The following TULP4 variants were observed in gnomAD, a reference collection of about 807,000 sequenced individuals.
TULP4 encodes tubby-related protein 4.
TULP4 carries 16 observed loss-of-function variants against 129.0 expected under a neutral mutation model. The ratio of observed to expected loss-of-function variants is 0.12; its 90% confidence interval spans 0.08 to 0.19. The LOEUF is 0.19. Among genes scored for constraint, TULP4 ranks in the 10% least tolerant of loss-of-function variants. TULP4 has a pLI of 1.00. For missense variants in TULP4, 1,842 were observed against 2,059.1 expected, an observed-to-expected ratio of 0.89 and a Z score of 2.04; for synonymous variants, 998 against 854.0, an observed-to-expected ratio of 1.17 and a Z score of -2.94.
chr6:158,298,264 A>G (rs10080516), intron 1 of TULP4, among the ~76,000 whole-genome samples: 128,986 of 149,666 alleles, frequency 0.86, 55,870 homozygotes, highest in Admixed American at 0.92. Context: ...AGTTAACACA[A>G]TTATCACAGT....
At chr6:158,303,518 C>G (rs1167279990) in intron 1 of TULP4, among the ~76,000 whole-genome samples, 2 of 152,070 alleles carry the variant, frequency 1.3e-5, no homozygotes, top group Admixed American at 6.6e-5. Flanking sequence ...ACATGCTTCT[C>G]AGGGAACACG....
intron 3 of TULP4, among the ~76,000 whole-genome samples, chr6:158,433,922 A>G (rs1187349444): frequency 6.7e-6 from 1 of 149,732 alleles, no homozygotes; most frequent in Non-Finnish European, 1.5e-5. Flanking sequence ...GGCGGTTTCA[A>G]CAACAGAAGT....
intron 1 of TULP4, among the ~76,000 whole-genome samples, chr6:158,385,923 C>T (rs1227926311): frequency 2.1e-5 from 3 of 140,202 alleles, no homozygotes; most frequent in South Asian, 2.3e-4. Flanking sequence ...TAGTGCACTG[C>T]GGCCTTGAAC....
intron 3 of TULP4, among the ~76,000 whole-genome samples, chr6:158,433,831 T>C (rs1010843544): frequency 6.6e-6 from 1 of 152,266 alleles, no homozygotes; most frequent in African/African-American, 2.4e-5. Flanking sequence ...GAAGGGAATG[T>C]AATCCTACCT....
intron 1 of TULP4, among the ~76,000 whole-genome samples, chr6:158,331,119 G>A (rs1022629235): frequency 1.3e-5 from 2 of 152,036 alleles, no homozygotes; most frequent in African/African-American, 2.4e-5. Context: ...TTGATAATCT[G>A]TTGAGAGATC....
At chr6:158,294,381 A>T (rs1200291071) in intron 1 of TULP4, among the ~76,000 whole-genome samples, 3 of 152,138 alleles carry the variant, frequency 2.0e-5, no homozygotes, top group Admixed American at 6.5e-5. Context: ...AAATAAAAAA[A>T]AAAATAAATA....
At chr6:158,237,885 T>C in intron 1 of TULP4, 1 of 741,684 alleles carries the variant, frequency 1.3e-6, no homozygotes, top group Non-Finnish European at 2.5e-6. Context: ...AAATAAACTG[T>C]GCCAGGGTAT....
intron 1 of TULP4, among the ~76,000 whole-genome samples, chr6:158,241,615 G>A (rs951952541): frequency 6.6e-6 from 1 of 151,434 alleles, no homozygotes; most frequent in African/African-American, 2.4e-5. Flanking sequence ...TTTTTTTTGA[G>A]ATGGTGTCTC....
chr6:158,446,440 T>G (rs1178980791), intron 3 of TULP4, among the ~76,000 whole-genome samples: 1 of 152,216 alleles, frequency 6.6e-6, no homozygotes, highest in Non-Finnish European at 1.5e-5. Context: ...CTCTGATAAC[T>G]TAATCAGTCC....
intron 1 of TULP4, among the ~76,000 whole-genome samples, chr6:158,376,785 C>T (rs1156746776): frequency 6.6e-6 from 1 of 152,174 alleles, no homozygotes; most frequent in African/African-American, 2.4e-5. Flanking sequence ...ATAACAGGAG[C>T]AGATGTGGCA....
chr6:158,239,157 G>A (rs1035947803), intron 1 of TULP4, among the ~76,000 whole-genome samples: 6 of 112,150 alleles, frequency 5.3e-5, no homozygotes, highest in Non-Finnish European at 1.0e-4. Context: ...CTCACCTCCC[G>A]GACGAGGCGG....
rs137932682 is a variant in TULP4 at position 158,444,878 on chromosome 6, C to G, written c.544-4118C>G. On this transcript the variant is annotated intron_variant, in intron 3 of 13. Coordinates refer to ENST00000367097, the MANE Select transcript of TULP4 (RefSeq NM_020245.5). ...CCAGGGTGGAGTGCATTGGAGCAAT[C>G]ATGGCTCACTGCAGCCTCCAACTCC... Among the ~76,000 whole-genome samples, 604 of 152,288 alleles carry G rather than the reference C, an allele frequency of 4.0e-3. 5 individuals carry two copies. Among genetic ancestry groups the G allele is most frequent in the African/African-American group, 0.014 (580 of 41,558 alleles).
Position 158,382,632 on chromosome 6 carries a change from T to G in TULP4, c.253-30433T>G, listed in dbSNP as rs78332067. Among the ~76,000 whole-genome samples, 407 of 152,312 alleles carry G rather than the reference T, an allele frequency of 2.7e-3. 1 individual carries two copies. Among genetic ancestry groups the G allele is most frequent in the African/African-American group, 9.4e-3 (391 of 41,556 alleles). On this transcript the variant is annotated intron_variant, in intron 1 of 13. Transcript: ENST00000367097. ...CAGGTTCTCACCTTTGAAAGGATGGTGATTAATAGATAAGGTTGACCTCAC... is the reference window on the plus strand; with the variant it reads ...CAGGTTCTCACCTTTGAAAGGATGGGGATTAATAGATAAGGTTGACCTCAC...
intron 3 of TULP4, 149 bp downstream of exon 3, chr6:158,430,046 A>G (rs996934702): frequency 2.7e-6 from 2 of 735,896 alleles, no homozygotes; most frequent in African/African-American, 3.6e-5. Context: ...AAAAATTAAA[A>G]TAAAAATTCT....
intron 1 of TULP4, among the ~76,000 whole-genome samples, chr6:158,299,347 T>A (rs954921248): frequency 5.3e-5 from 8 of 152,198 alleles, no homozygotes; most frequent in African/African-American, 1.4e-4. Context: ...TCATTTTTTT[T>A]AATACTACTG....
At chr6:158,299,738 G>A (rs540600769) in intron 1 of TULP4, among the ~76,000 whole-genome samples, 3 of 152,280 alleles carry the variant, frequency 2.0e-5, no homozygotes, top group African/African-American at 7.2e-5. Flanking sequence ...ATTTCCACAG[G>A]AGCATCCATC....
chr6:158,460,598 G>A (rs145533891), intron 5 of TULP4, among the ~76,000 whole-genome samples: 5 of 152,280 alleles, frequency 3.3e-5, no homozygotes, highest in Middle Eastern at 3.4e-3. Flanking sequence ...GGTGGGCATC[G>A]AATTTCCAAT....
chr6:158,429,762 T>C lies in TULP4; in HGVS notation c.408T>C (p.Asp136=), dbSNP rs368528500. The C allele has an allele frequency of 6.2e-7, 1 of 1,613,290 alleles. No individual in the cohort carries two copies. The highest frequency in any genetic ancestry group is 1.3e-5 in the African/African-American group (1 of 74,898). Residue 136 remains aspartate, a synonymous_variant, in exon 3 of 14, where the codon GAT becomes GAC. Transcript: ENST00000367097. ...TGAGTGATTTCACGTGGAGCCATGATGGAACTCAAGCACTTATTTCCTATC... is the reference window on the plus strand; with the variant it reads ...TGAGTGATTTCACGTGGAGCCATGACGGAACTCAAGCACTTATTTCCTATC... ...AQVSDFTWSH[D]GTQALISYRD...
intron 5 of TULP4, among the ~76,000 whole-genome samples, chr6:158,459,268 T>A (rs1482166240): frequency 6.6e-6 from 1 of 152,080 alleles, no homozygotes; most frequent in Non-Finnish European, 1.5e-5. Flanking sequence ...CCGTCTCTAC[T>A]GAAAATACAA....
Sources: gnomAD v4.1 joint callset for allele counts (sites outside exome capture counted in the v4.1 genomes callset) on GRCh38, gnomAD v4.1.1 for gene constraint, MANE v1.5 for transcripts, NCBI Gene and HGNC (gene_info 2026-07-23, HGNC 2026-07-21) for gene names.